The following MIA3 variants were observed in gnomAD, a reference collection of about 807,000 sequenced individuals.
MIA3 encodes the protein transport and Golgi organization protein 1 homolog.
In MIA3, 90 loss-of-function variants were observed where a neutral mutation model predicts 192.4. The ratio of observed to expected loss-of-function variants is 0.47; its 90% CI spans 0.39 to 0.56. MIA3 has a LOEUF of 0.56. Among genes scored for constraint, MIA3 ranks in the 20% least tolerant of loss-of-function variants. MIA3 has a pLI of 0.00. For synonymous variants in MIA3, 740 were observed against 792.8 expected (o/e 0.93, Z 1.12); for missense variants, 2,123 against 2,269.4 (o/e 0.94, Z 1.31).
At chr1:222,656,270 CCAAAGAATATACTTTAATGCAGG>C (rs1663724861) in intron 18 of MIA3, among the ~76,000 whole-genome samples, 2 of 152,028 alleles carry the variant, frequency 1.3e-5, no homozygotes, top group South Asian at 2.1e-4. Context: ...CCGCGCCCGG[CCAAAGAATATACTTTAATGCAGG>C]TTCAGTGAGT....
At chr1:222,644,893 G>T (rs1663062849) in intron 6 of MIA3, among the ~76,000 whole-genome samples, 1 of 152,100 alleles carries the variant, frequency 6.6e-6, no homozygotes, top group Non-Finnish European at 1.5e-5. Flanking sequence ...CTCTGTTGTG[G>T]GATGGGACCA....
intron 6 of MIA3, chr1:222,641,343 C>T (rs1662843929): frequency 3.3e-6 from 1 of 304,306 alleles, no homozygotes; most frequent in Non-Finnish European, 6.5e-6. Flanking sequence ...AATATAAGAC[C>T]CTTCCCTTCC....
In MIA3 at chr1:222,659,655, T is replaced by C. The variant is rs1663909237; in HGVS notation, c.4804T>C (p.Trp1602Arg). 1 of 1,613,858 alleles carries C rather than the reference T, an allele frequency of 6.2e-7. No individual in the cohort carries two copies. The highest frequency in any genetic ancestry group is 1.3e-5 in the African/African-American group (1 of 74,914). The change falls in exon 21 of 28, where the codon TGG becomes CGG. Residue 1602 changes from tryptophan to arginine, a missense_variant and splice_region_variant. Coordinates refer to ENST00000344922, the MANE Select transcript of MIA3 (RefSeq NM_198551.4). ...ATHEKKAHEN[W>R]LKARAAERAI... ...CCATGAGAAGAAAGCTCATGAAAAC[T>C]GGGTAAGATTTCTTTTTTTCTTTCC...
At chr1:222,661,985 C>A in intron 24 of MIA3, 71 bp from the exon 25 acceptor site, 2 of 1,264,336 alleles carry the variant, frequency 1.6e-6, no homozygotes, top group Non-Finnish European at 2.3e-6. Context: ...AAGACTTGAA[C>A]CCTGATCTGT....
At chr1:222,659,868 T>C in intron 22 of MIA3, 38 bp from the exon 23 acceptor site, 1 of 1,602,710 alleles carries the variant, frequency 6.2e-7, no homozygotes, top group Non-Finnish European at 8.5e-7. Context: ...CTATTTCATA[T>C]TTAACTCTTT....
At chr1:222,650,401 T>G (rs67180937) in intron 9 of MIA3, 21 bp downstream of exon 9, 838,983 of 1,272,140 alleles carry the variant, frequency 0.66, 281,534 homozygotes, top group Non-Finnish European at 0.7. Context: ...TCTTTGTTTT[T>G]TTTTTTTTTC....
intron 27 of MIA3, 132 bp downstream of exon 27, chr1:222,664,280 T>C: frequency 3.3e-6 from 3 of 910,268 alleles, no homozygotes; most frequent in Non-Finnish European, 5.1e-6. Context: ...ACCGTAACTT[T>C]TCCCCAAGTT....
rs1558196520 is a variant in MIA3, at chr1:222,659,532, T to G, written c.4770+19T>G. 1 of 1,611,850 alleles carries G rather than the reference T, an allele frequency of 6.2e-7. No homozygotes were observed. ...AAACCAGGTAATAATTCTAGTGCCC[T>G]ACTATATAGTGCCCGGAATTCTTTG... On this transcript the variant is annotated intron_variant, in intron 20 of 27. Coordinates refer to ENST00000344922, the MANE Select transcript of MIA3 (RefSeq NM_198551.4).
intron 27 of MIA3, chr1:222,664,925 C>T: frequency 2.1e-6 from 1 of 466,860 alleles, no homozygotes; most frequent in Non-Finnish European, 4.4e-6. Flanking sequence ...GCCTGTAATC[C>T]CAGCACTTTA....
At position 222,653,095 on chromosome 1, in the gene MIA3, G is replaced by T. The variant is rs754364576; in HGVS notation, c.4174G>T (p.Glu1392Ter). ...KSFEKSQKDL[E>*]VALTHKDDNI... Reference sequence around the variant, plus strand: ...ATTTGAGAAGTCTCAGAAAGATTTGGAAGTAGCTCTTACTCACAAGGATGA... The same window carrying T: ...ATTTGAGAAGTCTCAGAAAGATTTGTAAGTAGCTCTTACTCACAAGGATGA... Residue 1392 changes from glutamate (E) to a stop codon, truncating the protein, a stop_gained, in exon 14 of 28, where the codon GAA becomes TAA. Transcript: ENST00000344922. LOFTEE classifies it high-confidence loss of function. 1 of 1,611,870 alleles carries T rather than the reference G, an allele frequency of 6.2e-7. No homozygotes were observed. The highest frequency in any genetic ancestry group is 8.5e-7 in the Non-Finnish European group (1 of 1,178,018).
chr1:222,635,122 C>A (rs1369683506), intron 6 of MIA3, among the ~76,000 whole-genome samples: 1 of 152,172 alleles, frequency 6.6e-6, no homozygotes, highest in Non-Finnish European at 1.5e-5. Flanking sequence ...CAGTATTATT[C>A]ATGTTTGTTC....
At chr1:222,653,917 C>T (rs941029868) in intron 15 of MIA3, among the ~76,000 whole-genome samples, 1 of 152,186 alleles carries the variant, frequency 6.6e-6, no homozygotes, top group Non-Finnish European at 1.5e-5. Flanking sequence ...GTGTTTTAAA[C>T]CACACCTGGT....
intron 6 of MIA3, chr1:222,644,160 C>CCT (rs1663003822): frequency 1.8e-6 from 1 of 543,652 alleles, no homozygotes; most frequent in Non-Finnish European, 2.6e-6. Context: ...GTCACTTCCG[C>CCT]CTCTTTTTAC....
Position 222,628,284 on chromosome 1 carries a change from A to G in MIA3, c.1064A>G (p.Glu355Gly), listed in dbSNP as rs763600615. 3.1e-6 allele frequency: 5 copies of G among 1,613,876 alleles called. No homozygotes were observed. The highest frequency in any genetic ancestry group is 4.2e-6 in the Non-Finnish European group (5 of 1,180,010). ...SGVEKYPTDK[E>G]QNSNEEDKVQ... ...GTTGAGAAATATCCAACAGATAAAG[A>G]GCAGAATTCAAATGAAGAGGACAAG... is the stretch of plus-strand genomic sequence containing the variant. The change falls in exon 4 of 28, where the codon GAG (glutamate) becomes GGG (glycine). Residue 355 changes from glutamate to glycine, a missense_variant. By Grantham distance (98) the Glu-to-Gly change is moderately conservative (BLOSUM62 -2). This residue lies in a region of MIA3 where 1,357 missense variants were observed against 1,396.1 expected (regional missense o/e 0.97). Coordinates refer to ENST00000344922, the MANE Select transcript of MIA3 (RefSeq NM_198551.4).
At position 222,665,343 on chromosome 1, in the gene MIA3, AT is replaced by A. The variant is rs1227442307; in HGVS notation, c.5451del (p.Phe1817LeufsTer29). On this transcript the variant is annotated frameshift_variant, in exon 28 of 28. Transcript: ENST00000344922. LOFTEE classifies it low-confidence loss of function (END_TRUNC). ...GMRPPLGLRE[F>X]APGVPPGRRD... ...TGCGTCCACCACTAGGCTTAAGAGAATTTGCACCAGGCGTTCCACCAGGAAG... is the reference window on the plus strand; with the variant it reads ...TGCGTCCACCACTAGGCTTAAGAGAATTGCACCAGGCGTTCCACCAGGAAG... 1 of 1,613,724 alleles carries A rather than the reference AT, an allele frequency of 6.2e-7. No homozygotes were observed. Among genetic ancestry groups the A allele is most frequent in the Admixed American group, 1.7e-5 (1 of 59,974 alleles).
chr1:222,630,207 C>T lies in MIA3; in HGVS notation c.2987C>T (p.Thr996Ile), dbSNP rs1350956121. ...ILSIAEKMLD[T>I]RVAENRDLGM... is the part of the protein sequence containing the mutation. ...AGCATAGCAGAAAAAATGCTTGATA[C>T]TCGTGTGGCTGAAAATAGAGATCTG... The change falls in exon 4 of 28, where the codon ACT (threonine) becomes ATT (isoleucine). Residue 996 changes from threonine (T) to isoleucine (I), a missense_variant. Coordinates refer to ENST00000344922, the MANE Select transcript of MIA3 (RefSeq NM_198551.4). 3 of 1,614,222 alleles carry T rather than the reference C, an allele frequency of 1.9e-6. No individual in the cohort carries two copies. Among genetic ancestry groups the T allele is most frequent in the South Asian group, 1.1e-5 (1 of 91,076 alleles).
intron 3 of MIA3, among the ~76,000 whole-genome samples, chr1:222,626,040 A>T (rs531559054): frequency 7.9e-5 from 12 of 152,242 alleles, no homozygotes; most frequent in East Asian, 1.9e-4. Flanking sequence ...TATATATATA[A>T]AAAACACCAT....
chr1:222,636,506 C>CT (rs34208115), intron 6 of MIA3, among the ~76,000 whole-genome samples: 2,383 of 73,804 alleles, frequency 0.032, 110 homozygotes, highest in African/African-American at 0.072. Flanking sequence ...TAGTGTCCAT[C>CT]TTTTTTTTTT....
chr1:222,645,593 G>A lies in MIA3; in HGVS notation c.3517G>A (p.Asp1173Asn), dbSNP rs771274755. Residue 1173 changes from aspartate to asparagine, a missense_variant, in exon 7 of 28, where the codon GAT becomes AAT. Around this residue, in one of 3 missense-constraint regions of MIA3, gnomAD observed 1,357 missense variants for 1,396.1 expected, o/e 0.97. Transcript: ENST00000344922. ...TLPDDVQPGP[D>N]FYGLPWKPVF... ...GCCTGATGATGTTCAGCCTGGGCCT[G>A]ATTTTTATGGACTGCCATGGAAACC... 6 of 1,613,512 alleles carry A rather than the reference G, an allele frequency of 3.7e-6. No individual in the cohort carries two copies. In the South Asian group the frequency reaches 6.6e-5, roughly 18 times the overall value.
Sources: gnomAD v4.1 joint callset for allele counts (sites outside exome capture counted in the v4.1 genomes callset) on GRCh38, gnomAD v4.1.1 for gene constraint, gnomAD v4.1.1 regional missense constraint, MANE v1.5 for transcripts, NCBI Gene and HGNC (gene_info 2026-07-23, HGNC 2026-07-21) for gene names.